The following SAMD5 variants were observed in gnomAD, a reference collection of about 807,000 sequenced individuals.
SAMD5 encodes sterile alpha motif domain containing 5, also known as sterile alpha motif domain-containing protein 5.
In SAMD5, 13 loss-of-function variants were observed where a neutral mutation model predicts 11.3. That is an observed-to-expected ratio of 1.15 (90% CI 0.75 to 1.83). SAMD5 has a LOEUF of 1.83. Among genes scored for constraint, SAMD5 ranks in the 40% most tolerant of loss-of-function variants. The pLI, the probability that SAMD5 is intolerant of heterozygous loss-of-function variation, is 0.00. For missense variants in SAMD5, 255 were observed against 239.1 expected, an observed-to-expected ratio of 1.07 and a Z score of -0.44; for synonymous variants, 129 against 111.3, an observed-to-expected ratio of 1.16 and a Z score of -1.00.
the SAMD5 span, among the ~76,000 whole-genome samples, chr6:147,859,188 C>G: frequency 2.4e-3 from 362 of 152,146 alleles, 1 homozygote; most frequent in African/African-American, 7.8e-3. Context: ...GTGGAGCCTC[C>G]CTTTGTGCAG....
chr6:147,870,825 G>GGGGAGGGA, the SAMD5 span, among the ~76,000 whole-genome samples: 1 of 147,014 alleles, frequency 6.8e-6, no homozygotes, highest in Non-Finnish European at 1.5e-5. Flanking sequence ...GAGGAGGGGA[G>GGGGAGGGA]GGGAGGGAGG....
intron 1 of SAMD5, among the ~76,000 whole-genome samples, chr6:147,594,494 A>T (rs900199152): frequency 5.8e-4 from 88 of 152,186 alleles, no homozygotes; most frequent in African/African-American, 2.1e-3. Context: ...TTTGTTCTAC[A>T]AGTTTTTATC....
intron 1 of SAMD5, among the ~76,000 whole-genome samples, chr6:147,605,853 G>A (rs1256821371): frequency 1.3e-5 from 2 of 152,042 alleles, no homozygotes; most frequent in Non-Finnish European, 2.9e-5. Flanking sequence ...CTTTAAGCTG[G>A]GAAGCCAAAA....
At chr6:147,954,205 G>C in the SAMD5 span, among the ~76,000 whole-genome samples, 3 of 152,120 alleles carry the variant, frequency 2.0e-5, no homozygotes, top group Non-Finnish European at 2.9e-5. Flanking sequence ...CGTGTTTTAA[G>C]CTCGAATTGT....
the SAMD5 span, among the ~76,000 whole-genome samples, chr6:147,945,566 A>T: frequency 7.2e-5 from 11 of 152,202 alleles, no homozygotes; most frequent in Non-Finnish European, 1.6e-4. Flanking sequence ...TATAGTAGAA[A>T]ATCCTTCAGA....
intron 1 of SAMD5, among the ~76,000 whole-genome samples, chr6:147,710,130 C>T (rs1264611861): frequency 1.3e-5 from 2 of 152,174 alleles, no homozygotes; most frequent in African/African-American, 4.8e-5. Flanking sequence ...ATGTGATGTT[C>T]CTGTTGTGAA....
intron 1 of SAMD5, among the ~76,000 whole-genome samples, chr6:147,633,317 C>T (rs779806997): frequency 3.3e-5 from 5 of 152,168 alleles, no homozygotes; most frequent in Middle Eastern, 3.4e-3. Context: ...CAGCGGGCAC[C>T]GCCTGCCATG....
At chr6:147,562,827 A>AT (rs1554232943) in intron 1 of SAMD5, among the ~76,000 whole-genome samples, 2 of 151,876 alleles carry the variant, frequency 1.3e-5, no homozygotes, top group African/African-American at 4.8e-5. Flanking sequence ...GTCTCAAAAA[A>AT]AAATAAATAA....
At chr6:147,922,342 A>C in the SAMD5 span, among the ~76,000 whole-genome samples, 1 of 152,174 alleles carries the variant, frequency 6.6e-6, no homozygotes, top group Non-Finnish European at 1.5e-5. Context: ...TAATAATTTA[A>C]AGCAGTTAAA....
chr6:147,813,732 G>A, the SAMD5 span, among the ~76,000 whole-genome samples: 2 of 152,182 alleles, frequency 1.3e-5, no homozygotes, highest in Non-Finnish European at 2.9e-5. Flanking sequence ...GCCTTCTTTT[G>A]CTCTAGCCTG....
chr6:147,721,563 A>C (rs570657516), intron 1 of SAMD5, among the ~76,000 whole-genome samples: 3 of 151,958 alleles, frequency 2.0e-5, no homozygotes, highest in South Asian at 2.1e-4. Flanking sequence ...TTTTTCTTGT[A>C]AATTTGTTTG....
the SAMD5 span, among the ~76,000 whole-genome samples, chr6:147,778,464 C>G: frequency 6.6e-6 from 1 of 152,150 alleles, no homozygotes; most frequent in Non-Finnish European, 1.5e-5. Flanking sequence ...CATCCCTTGC[C>G]CACCATGAAC....
the SAMD5 span, among the ~76,000 whole-genome samples, chr6:147,940,352 C>G: frequency 4.6e-5 from 7 of 151,990 alleles, no homozygotes; most frequent in Middle Eastern, 3.2e-3. Flanking sequence ...TTTCCATATT[C>G]TACTAGTTAG....
chr6:147,508,815 T>A lies in SAMD5; in HGVS notation c.-114T>A. On this transcript the variant is annotated 5_prime_UTR_variant, in exon 1 of 2. Transcript: ENST00000367474. ...AGCCTTTCCTTTAAAAGGAAAACTT[T>A]ACTGCGATACCCTTTTCCCCTTGGA... The A allele has an allele frequency of 6.9e-7, 1 of 1,448,170 alleles. No homozygotes were observed. The highest frequency in any genetic ancestry group is 9.1e-7 in the Non-Finnish European group (1 of 1,101,068). 89.7% of individuals were successfully genotyped at this position (1,448,170 alleles called of 1,614,324 possible). A position where few individuals can be genotyped will look rare whatever the true frequency, so the allele number is the denominator to read the frequency against.
the SAMD5 span, among the ~76,000 whole-genome samples, chr6:147,753,129 C>T: frequency 1.3e-5 from 2 of 152,188 alleles, no homozygotes; most frequent in African/African-American, 4.8e-5. Flanking sequence ...AATATTAACA[C>T]TGTTATCAGT....
At chr6:147,715,211 T>C (rs1791449962) in intron 1 of SAMD5, among the ~76,000 whole-genome samples, 1 of 152,216 alleles carries the variant, frequency 6.6e-6, no homozygotes, top group Non-Finnish European at 1.5e-5. Context: ...CAGGCTTCTC[T>C]CAGCTCGTGC....
chr6:147,649,580 T>C (rs1790453240), intron 1 of SAMD5, among the ~76,000 whole-genome samples: 1 of 152,030 alleles, frequency 6.6e-6, no homozygotes, highest in South Asian at 2.1e-4. Context: ...TCACCTGAGG[T>C]CACGAGTTCG....
At chr6:147,578,356 C>T (rs970845522) in intron 1 of SAMD5, among the ~76,000 whole-genome samples, 3 of 152,106 alleles carry the variant, frequency 2.0e-5, no homozygotes, top group African/African-American at 7.2e-5. Context: ...ACGTGTCATA[C>T]CCATTTCCAT....
chr6:147,808,121 TG>T, the SAMD5 span, among the ~76,000 whole-genome samples: 10 of 152,228 alleles, frequency 6.6e-5, no homozygotes, highest in African/African-American at 2.4e-4. Context: ...TTGGGATCTA[TG>T]GTCAGTTCCA....
Sources: allele counts gnomAD v4.1 joint callset (sites outside exome capture counted in the v4.1 genomes callset), GRCh38; gene constraint gnomAD v4.1.1; transcripts MANE v1.5; gene names NCBI Gene and HGNC (gene_info 2026-07-23, HGNC 2026-07-21).